Variants in RSU1 observed in about 807,000 individuals in gnomAD.
The protein encoded by RSU1 is Ras suppressor protein 1, also known as rsu-1.
RSU1 carries 26 observed loss-of-function variants against 31.1 expected under a neutral mutation model. That is an observed-to-expected ratio of 0.84 (90% CI 0.61 to 1.16). RSU1 has a LOEUF of 1.16. Ranked by LOEUF, RSU1 falls within the 50% of genes most tolerant of loss-of-function variation. RSU1 has a pLI of 0.00. For missense variants in RSU1, 320 were observed against 339.1 expected (o/e 0.94, Z 0.44); for synonymous variants, 164 against 136.3 (o/e 1.20, Z -1.41).
At chr10:16,689,479 T>C (rs1024586192) in intron 8 of RSU1, among the ~76,000 whole-genome samples, 1 of 152,238 alleles carries the variant, frequency 6.6e-6, no homozygotes, top group African/African-American at 2.4e-5. Context: ...TGTACGTCCA[T>C]TACAGCTTGT....
Position 16,695,174 on chromosome 10 carries a change from A to G in RSU1, c.599-19T>C. Reference sequence around the variant, plus strand: ...AAGTTTCCTGGGGGGGGGGAAAAAAAAAGTGAAGGTCACTTCATCCAATAC... The same window carrying G: ...AAGTTTCCTGGGGGGGGGGAAAAAAGAAGTGAAGGTCACTTCATCCAATAC... On this transcript the variant is annotated intron_variant, in intron 7 of 8. Coordinates refer to ENST00000345264, the MANE Select transcript of RSU1 (RefSeq NM_012425.4). The G allele has an allele frequency of 6.3e-7, 1 of 1,585,632 alleles. No individual in the cohort carries two copies.
chr10:16,616,758 A>C lies in RSU1; in HGVS notation c.732-23262T>G, dbSNP rs559482238. Among the ~76,000 whole-genome samples, 7 of 152,376 alleles carry C rather than the reference A, an allele frequency of 4.6e-5. No individual in the cohort carries two copies. In the South Asian group the frequency reaches 8.3e-4, roughly 18 times the overall value. The stretch of plus-strand genomic sequence containing the variant: ...ATCCATCACATTAACTGAATCAAGG[A>C]CAAACACCACATGATTATCTCCATA... On this transcript the variant is annotated intron_variant, in intron 8 of 8. Transcript: ENST00000345264.
intron 8 of RSU1, among the ~76,000 whole-genome samples, chr10:16,641,407 G>T (rs1464352302): frequency 1.3e-5 from 2 of 151,520 alleles, no homozygotes; most frequent in African/African-American, 2.4e-5. Flanking sequence ...CAGAAGACTC[G>T]TATGAACCCA....
At chr10:16,609,623 C>T (rs980874553) in intron 8 of RSU1, among the ~76,000 whole-genome samples, 1 of 152,188 alleles carries the variant, frequency 6.6e-6, no homozygotes, top group African/African-American at 2.4e-5. Context: ...AAAGTGTGCA[C>T]CATGGTTATT....
chr10:16,788,259 G>A (rs1837836033), intron 2 of RSU1, among the ~76,000 whole-genome samples: 2 of 152,300 alleles, frequency 1.3e-5, no homozygotes, highest in Admixed American at 6.5e-5. Flanking sequence ...CTGGTTTCCC[G>A]TTACCAAGCC....
In RSU1 at chr10:16,591,627, C is replaced by T. The variant is rs1416202704; in HGVS notation, c.*1767G>A. 1 of 151,990 alleles carries T rather than the reference C, an allele frequency of 6.6e-6. No individual in the cohort carries two copies. The highest frequency in any genetic ancestry group is 1.5e-5 in the Non-Finnish European group (1 of 68,010). 9.4% of individuals were successfully genotyped at this position (151,990 alleles called of 1,614,324 possible). A position where few individuals can be genotyped will look rare whatever the true frequency, so the allele number is the denominator to read the frequency against. ...TCTGTATACTTTTTAAAAATATTAC[C>T]AGTGAGTCTTCGATGATTGCTTCAT... On this transcript the variant is annotated 3_prime_UTR_variant, in exon 9 of 9. Coordinates refer to ENST00000345264, the MANE Select transcript of RSU1 (RefSeq NM_012425.4).
intron 7 of RSU1, among the ~76,000 whole-genome samples, chr10:16,708,375 G>A (rs1190881670): frequency 6.6e-6 from 1 of 152,132 alleles, no homozygotes; most frequent in Non-Finnish European, 1.5e-5. Context: ...TCTTCCTGGT[G>A]AGTAGGCTTC....
chr10:16,807,967 G>T (rs537545219), intron 2 of RSU1, among the ~76,000 whole-genome samples: 1 of 150,362 alleles, frequency 6.7e-6, no homozygotes, highest in Non-Finnish European at 1.5e-5. Flanking sequence ...AGCTTGCAGC[G>T]AGCCGAGATC....
intron 3 of RSU1, among the ~76,000 whole-genome samples, chr10:16,774,915 G>T (rs936762298): frequency 1.3e-5 from 2 of 152,084 alleles, no homozygotes; most frequent in Admixed American, 6.5e-5. Flanking sequence ...TCCAGCCTGG[G>T]CAAATTAGCC....
chr10:16,612,793 T>C (rs1038374131), intron 8 of RSU1, among the ~76,000 whole-genome samples: 2 of 152,222 alleles, frequency 1.3e-5, no homozygotes, highest in Admixed American at 1.3e-4. Flanking sequence ...TCTGCTAAGA[T>C]GCAATGGAGC....
intron 2 of RSU1, among the ~76,000 whole-genome samples, chr10:16,816,486 GA>G (rs1195319249): frequency 6.6e-6 from 1 of 152,174 alleles, no homozygotes; most frequent in African/African-American, 2.4e-5. Context: ...ACAGCATGAG[GA>G]GGTGACAAAA....
chr10:16,638,513 T>G (rs1306731564), intron 8 of RSU1, among the ~76,000 whole-genome samples: 1 of 152,064 alleles, frequency 6.6e-6, no homozygotes, highest in Non-Finnish European at 1.5e-5. Flanking sequence ...TCACCGAGTG[T>G]TAGTTTCTTT....
intron 8 of RSU1, among the ~76,000 whole-genome samples, chr10:16,634,359 A>G (rs1008508878): frequency 6.6e-6 from 1 of 152,212 alleles, no homozygotes; most frequent in Admixed American, 6.5e-5. Flanking sequence ...AACAAGCCAC[A>G]AGATTCCAAA....
chr10:16,714,468 A>C (rs557692854), intron 7 of RSU1, among the ~76,000 whole-genome samples: 31 of 152,212 alleles, frequency 2.0e-4, no homozygotes, highest in Non-Finnish European at 4.1e-4. Context: ...AGGCTGCCAC[A>C]GGACCAACAG....
chr10:16,803,130 C>T (rs1838191366), intron 2 of RSU1, among the ~76,000 whole-genome samples: 1 of 152,004 alleles, frequency 6.6e-6, no homozygotes, highest in Non-Finnish European at 1.5e-5. Context: ...TAGAAAATCC[C>T]AAAGAATCAA....
intron 8 of RSU1, among the ~76,000 whole-genome samples, chr10:16,648,135 T>TATTTTATTTTTTA (rs1564299663): frequency 8.7e-5 from 13 of 150,286 alleles, no homozygotes; most frequent in African/African-American, 3.0e-4. Context: ...AAAAAAAATT[T>TATTTTATTTTTTA]TTTTTTTTTT....
intron 7 of RSU1, among the ~76,000 whole-genome samples, chr10:16,738,696 T>C (rs1836687552): frequency 6.6e-6 from 1 of 152,170 alleles, no homozygotes; most frequent in South Asian, 2.1e-4. Context: ...AAATGTACTT[T>C]TTAAAAAAAA....
chr10:16,611,935 G>C (rs1219628237), intron 8 of RSU1, among the ~76,000 whole-genome samples: 1 of 152,176 alleles, frequency 6.6e-6, no homozygotes, highest in Non-Finnish European at 1.5e-5. Flanking sequence ...CGTGATTCTT[G>C]GCAGCTGGGT....
intron 8 of RSU1, among the ~76,000 whole-genome samples, chr10:16,617,202 G>C (rs902310884): frequency 3.9e-5 from 6 of 152,204 alleles, no homozygotes; most frequent in Non-Finnish European, 7.3e-5. Flanking sequence ...TAGATAAGCA[G>C]AGAGTGAAAT....
Sources: allele counts gnomAD v4.1 joint callset (sites outside exome capture counted in the v4.1 genomes callset), GRCh38; gene constraint gnomAD v4.1.1; transcripts MANE v1.5; gene names NCBI Gene and HGNC (gene_info 2026-07-23, HGNC 2026-07-21).